The following NLRP8 variants were observed in gnomAD, a reference collection of about 807,000 sequenced individuals.
NLRP8 encodes the protein NLR family pyrin domain containing 8.
A neutral mutation model predicts 88.7 loss-of-function variants in NLRP8; 86 were observed. The observed-to-expected ratio is 0.97, with a 90% CI of 0.81 to 1.16. The LOEUF (loss-of-function observed/expected upper bound fraction) is 1.16. NLRP8 is among the 50% of genes most tolerant of loss of function. The pLI is 0.00. For synonymous variants in NLRP8, 504 were observed against 494.6 expected (o/e 1.02, Z -0.25); for missense variants, 1,342 against 1,286.5 (o/e 1.04, Z -0.66).
At chr19:55,957,415 G>A (rs984129987) in intron 3 of NLRP8, among the ~76,000 whole-genome samples, 2 of 151,928 alleles carry the variant, frequency 1.3e-5, no homozygotes, top group African/African-American at 4.8e-5. Flanking sequence ...GCTGGGTGCC[G>A]TGGTTCATGC....
At chr19:55,987,302 A>G (rs1980894044) in intron 9 of NLRP8, among the ~76,000 whole-genome samples, 3 of 152,214 alleles carry the variant, frequency 2.0e-5, no homozygotes, top group African/African-American at 7.2e-5. Flanking sequence ...CCCAGGAGGC[A>G]GAGGTTGCAG....
rs1979287184 is a variant in NLRP8, at chr19:55,955,232, A to G, written c.1174A>G (p.Met392Val). The stretch of plus-strand genomic sequence containing the variant: ...CATGGAAAACACCATTCTCTTCTCC[A>G]TGTGCCGGGTCCCTGTGGTTTGCTG... The change falls in exon 3 of 10, where the codon ATG becomes GTG. Residue 392 changes from methionine (M) to valine (V), a missense_variant. By Grantham distance (21) the Met-to-Val change is conservative (BLOSUM62 1). Transcript: ENST00000291971. The G allele has an allele frequency of 1.2e-6, 2 of 1,614,016 alleles. No individual in the cohort carries two copies. Among genetic ancestry groups the G allele is most frequent in the African/African-American group, 2.7e-5 (2 of 74,930 alleles).
Position 55,966,282 on chromosome 19 carries a change from G to A in NLRP8, c.2283G>A (p.Leu761=). 6.2e-7 allele frequency: 1 copy of A among 1,614,112 alleles called. No homozygotes were observed. The highest frequency in any genetic ancestry group is 8.5e-7 in the Non-Finnish European group (1 of 1,179,984). ...GTGTTTTGACGGGGAACCAGCATCT[G>A]AGATACTTGGAAATACAACATGTGG... The change falls in exon 5 of 10, where the codon CTG becomes CTA. Residue 761 remains leucine, a synonymous_variant. Transcript: ENST00000291971.
At position 55,952,321 on chromosome 19, in the gene NLRP8, A is replaced by G. The variant is rs117280879; in HGVS notation, c.368-217A>G. Among the ~76,000 whole-genome samples the G allele has an allele frequency of 8.9e-4, 136 of 152,262 alleles. 1 individual carries two copies. The East Asian group carries it at 0.021, about 23-fold the overall frequency. Reference sequence around the variant, plus strand: ...TAACATGTTTTTGAACACCTTACTCAATGCATTGTAGAACAACACCTTTTC... The same window carrying G: ...TAACATGTTTTTGAACACCTTACTCGATGCATTGTAGAACAACACCTTTTC... On this transcript the variant is annotated intron_variant, in intron 1 of 9. Transcript: ENST00000291971.
Position 55,955,312 on chromosome 19 carries a change from G to C in NLRP8, c.1254G>C (p.Gln418His). 6.2e-7 allele frequency: 1 copy of C among 1,614,166 alleles called. No homozygotes were observed. Among genetic ancestry groups the C allele is most frequent in the East Asian group, 2.2e-5 (1 of 44,878 alleles). Reference sequence around the variant, plus strand: ...TGGAGAGAGGAAACAATCTCACACAGTCATGTCCAAATGCCACCTCTGTGT... The same window carrying C: ...TGGAGAGAGGAAACAATCTCACACACTCATGTCCAAATGCCACCTCTGTGT... The change falls in exon 3 of 10, where the codon CAG becomes CAC. Residue 418 changes from glutamine (Q) to histidine (H), a missense_variant. Transcript: ENST00000291971.
rs1397958199 is a variant in NLRP8 at position 55,973,677 on chromosome 19, C to G, written c.2560C>G (p.Leu854Val). 1.2e-6 allele frequency: 2 copies of G among 1,613,572 alleles called. No homozygotes were observed. The highest frequency in any genetic ancestry group is 2.2e-5 in the South Asian group (2 of 90,954). The change falls in exon 7 of 10, where the codon CTT becomes GTT. Residue 854 changes from leucine to valine, a missense_variant. Transcript: ENST00000291971. Reference sequence around the variant, plus strand: ...GATAGAGAACTGCAACCTTACACAGCTTACTTGTGAAAGCCTTGCCTCCTG... The same window carrying G: ...GATAGAGAACTGCAACCTTACACAGGTTACTTGTGAAAGCCTTGCCTCCTG...
intron 3 of NLRP8, among the ~76,000 whole-genome samples, chr19:55,957,673 TTATA>T (rs10523999): frequency 0.016 from 497 of 30,696 alleles, 5 homozygotes; most frequent in Middle Eastern, 0.043. Context: ...AAAATAATAA[TTATA>T]TATATATATA....
intron 3 of NLRP8, among the ~76,000 whole-genome samples, chr19:55,956,404 C>T (rs908781629): frequency 1.4e-4 from 22 of 152,008 alleles, no homozygotes; most frequent in African/African-American, 3.6e-4. Context: ...CCACTGCACC[C>T]GGCTAATTTT....
chr19:55,974,980 G>A (rs1054275340), intron 7 of NLRP8, among the ~76,000 whole-genome samples: 19 of 152,082 alleles, frequency 1.2e-4, no homozygotes, highest in African/African-American at 3.4e-4. Context: ...CCGAGATCAC[G>A]GTGCTCCTGC....
intron 9 of NLRP8, among the ~76,000 whole-genome samples, chr19:55,985,201 G>T (rs1447630404): frequency 6.6e-6 from 1 of 152,162 alleles, no homozygotes; most frequent in Non-Finnish European, 1.5e-5. Context: ...TACTAGGGAG[G>T]TTGAGGCAGG....
chr19:55,976,847 A>T (rs1250634942), intron 8 of NLRP8, among the ~76,000 whole-genome samples: 2 of 134,008 alleles, frequency 1.5e-5, no homozygotes, highest in Non-Finnish European at 3.2e-5. Context: ...TGGGAGGCTG[A>T]GGTGGGGCGG....
chr19:55,962,136 G>C lies in NLRP8; in HGVS notation c.2112G>C (p.Lys704Asn). The stretch of plus-strand genomic sequence containing the variant: ...GCTCTGTGTTTGCAACGAATGATAA[G>C]CTGGAAGTCCTGACTATGACCAACA... The change falls in exon 4 of 10, where the codon AAG (lysine) becomes AAC (asparagine). Residue 704 changes from lysine to asparagine, a missense_variant. Physicochemically the swap from Lys to Asn is moderately conservative, Grantham distance 94 (BLOSUM62 0). Transcript: ENST00000291971. The C allele has an allele frequency of 5.0e-6, 8 of 1,614,206 alleles. No individual in the cohort carries two copies. Among genetic ancestry groups the C allele is most frequent in the Non-Finnish European group, 6.8e-6 (8 of 1,180,020 alleles).
intron 6 of NLRP8, 59 bp downstream of exon 6, chr19:55,970,755 A>AT (rs1350417566): frequency 6.9e-6 from 11 of 1,601,170 alleles, no homozygotes; most frequent in Middle Eastern, 1.7e-4. Context: ...TGTTTGGTAG[A>AT]TTTAGTGCTT....
chr19:55,952,459 A>T (rs1979136312), intron 1 of NLRP8, 79 bp from the exon 2 acceptor site: 1 of 1,149,276 alleles, frequency 8.7e-7, no homozygotes, highest in African/African-American at 1.5e-5. Flanking sequence ...TGTCCTAAAA[A>T]GGCCATTGGC....
chr19:55,966,143 T>G, intron 4 of NLRP8, 70 bp from the exon 5 acceptor site: 1 of 1,489,052 alleles, frequency 6.7e-7, no homozygotes, highest in Non-Finnish European at 9.2e-7. Flanking sequence ...GGGAGCCTCG[T>G]TTGTGAGGCC....
chr19:55,985,143 G>A (rs758880196), intron 9 of NLRP8, among the ~76,000 whole-genome samples: 21 of 151,862 alleles, frequency 1.4e-4, no homozygotes, highest in Non-Finnish European at 4.4e-5. Flanking sequence ...CTCTACTAAA[G>A]ATACAAAAAA....
intron 3 of NLRP8, among the ~76,000 whole-genome samples, chr19:55,956,679 G>A (rs899350829): frequency 6.6e-6 from 1 of 152,116 alleles, no homozygotes; most frequent in Non-Finnish European, 1.5e-5. Flanking sequence ...AGGTGTTCCT[G>A]GGATATAGGA....
rs61738689 is a variant in NLRP8 at position 55,948,044 on chromosome 19, G to A, written c.142G>A (p.Val48Met). 12,365 of 1,614,080 alleles carry A rather than the reference G, an allele frequency of 7.7e-3. 72 individuals are homozygous for A. Among genetic ancestry groups the A allele is most frequent in the Non-Finnish European group, 8.0e-3 (9,389 of 1,180,030 alleles). ...TGGGGTCATGCTGTACATGAGAAAC[G>A]TGAGCCATGAGGAGCTACAACGGTT... Residue 48 changes from valine to methionine, a missense_variant, in exon 1 of 10, where the codon GTG becomes ATG. Physicochemically the swap from Val to Met is conservative, Grantham distance 21 (BLOSUM62 1). Transcript: ENST00000291971.
chr19:55,987,781 C>G, intron 9 of NLRP8: 1 of 1,531,946 alleles, frequency 6.5e-7, no homozygotes, highest in East Asian at 2.3e-5. Context: ...AGAAAATAAC[C>G]TCAACCAGCA....
Sources: allele counts gnomAD v4.1 joint callset (sites outside exome capture counted in the v4.1 genomes callset), GRCh38; gene constraint gnomAD v4.1.1; transcripts MANE v1.5; gene names NCBI Gene and HGNC (gene_info 2026-07-23, HGNC 2026-07-21).